TTC23: variants seen among roughly 807,000 people sequenced by gnomAD.
The protein encoded by TTC23 is tetratricopeptide repeat domain 23, also known as tetratricopeptide repeat protein 23.
In TTC23, 58 loss-of-function variants were observed where a neutral mutation model predicts 55.1. The observed-to-expected ratio is 1.05, with a 90% CI of 0.85 to 1.31. TTC23 has a LOEUF of 1.31. Among genes scored for constraint, TTC23 ranks in the 50% most tolerant of loss-of-function variants. TTC23 has a pLI of 0.00. For synonymous variants in TTC23, 203 were observed against 199.9 expected, an observed-to-expected ratio of 1.02 and a Z score of -0.13; for missense variants, 516 against 534.4, an observed-to-expected ratio of 0.97 and a Z score of 0.34.
At chr15:99,179,597 G>A (rs1240101797) in intron 9 of TTC23, among the ~76,000 whole-genome samples, 2 of 152,108 alleles carry the variant, frequency 1.3e-5, no homozygotes, top group Non-Finnish European at 2.9e-5. Context: ...CTGAGTGAAC[G>A]AAGCAACTTG....
intron 6 of TTC23, among the ~76,000 whole-genome samples, chr15:99,219,661 C>A (rs999918653): frequency 5.9e-5 from 9 of 152,020 alleles, no homozygotes; most frequent in Non-Finnish European, 1.0e-4. Context: ...AGAAAGAATT[C>A]CCCAGTGTGT....
chr15:99,183,046 G>A (rs576486160), intron 9 of TTC23, among the ~76,000 whole-genome samples: 1 of 152,336 alleles, frequency 6.6e-6, no homozygotes, highest in South Asian at 2.1e-4. Flanking sequence ...GGAAAAGTTT[G>A]GAGAACTCAG....
At chr15:99,183,301 T>C (rs2074326050) in intron 9 of TTC23, among the ~76,000 whole-genome samples, 1 of 151,684 alleles carries the variant, frequency 6.6e-6, no homozygotes, top group South Asian at 2.1e-4. Context: ...TTAGGGCATC[T>C]GGTGGAAGAA....
At chr15:99,145,862 A>G (rs1350046609) in intron 12 of TTC23, among the ~76,000 whole-genome samples, 1 of 152,136 alleles carries the variant, frequency 6.6e-6, no homozygotes, top group African/African-American at 2.4e-5. Flanking sequence ...TTGCAGGGAA[A>G]TGGGAGATGA....
chr15:99,240,277 T>C (rs2079660884), intron 3 of TTC23, among the ~76,000 whole-genome samples: 1 of 152,248 alleles, frequency 6.6e-6, no homozygotes, highest in South Asian at 2.1e-4. Flanking sequence ...TTAACTTTTC[T>C]TTTTTGGCTT....
intron 9 of TTC23, among the ~76,000 whole-genome samples, chr15:99,188,837 C>A (rs1305575397): frequency 1.3e-5 from 2 of 152,084 alleles, no homozygotes; most frequent in African/African-American, 2.4e-5. Context: ...TGTGGGGAAA[C>A]TGGCACTATC....
At chr15:99,188,196 G>A (rs1214810994) in intron 9 of TTC23, among the ~76,000 whole-genome samples, 2 of 151,930 alleles carry the variant, frequency 1.3e-5, no homozygotes, top group African/African-American at 2.4e-5. Flanking sequence ...TGCTAAACAT[G>A]GATGAATCTT....
At chr15:99,241,759 C>T (rs142838044) in intron 2 of TTC23, among the ~76,000 whole-genome samples, 200 bp from the exon 3 acceptor site, 5 of 152,106 alleles carry the variant, frequency 3.3e-5, no homozygotes, top group African/African-American at 7.2e-5. Flanking sequence ...AGGTGTGAAC[C>T]GTTGGAGGCT....
At chr15:99,158,833 G>T (rs1270270777) in intron 11 of TTC23, 1 of 152,394 alleles carries the variant, frequency 6.6e-6, no homozygotes, top group East Asian at 1.9e-4. Context: ...GGCCCTTGTT[G>T]GCCAACACCT....
chr15:99,245,132 T>C (rs1339271308), intron 2 of TTC23, among the ~76,000 whole-genome samples: 1 of 152,226 alleles, frequency 6.6e-6, no homozygotes. Flanking sequence ...ACCTCAAATG[T>C]ATATAATTTT....
At chr15:99,166,108 T>C (rs2072042982) in intron 10 of TTC23, among the ~76,000 whole-genome samples, 1 of 152,198 alleles carries the variant, frequency 6.6e-6, no homozygotes, top group African/African-American at 2.4e-5. Flanking sequence ...ACTCCGGGCT[T>C]TGGCTGAAGC....
At chr15:99,227,916 C>T (rs768471231) in intron 5 of TTC23, among the ~76,000 whole-genome samples, 11 of 152,202 alleles carry the variant, frequency 7.2e-5, no homozygotes, top group South Asian at 2.1e-4. Context: ...TCCACCCCTT[C>T]GTGTTTTGCA....
At chr15:99,230,560 A>G (rs1432158081) in intron 4 of TTC23, among the ~76,000 whole-genome samples, 3 of 152,298 alleles carry the variant, frequency 2.0e-5, no homozygotes, top group South Asian at 4.1e-4. Flanking sequence ...AAGTCAAAAC[A>G]TCATAAACAA....
chr15:99,250,983 G>A (rs1214627131), upstream of TTC23, among the ~76,000 whole-genome samples: 2 of 152,078 alleles, frequency 1.3e-5, no homozygotes, highest in East Asian at 1.9e-4. Context: ...TGCTGTCAAG[G>A]GTTCAACGAG....
In TTC23 at chr15:99,138,138, G is replaced by C. The variant is rs1555488141; in HGVS notation, c.1227-11C>G. The C allele has an allele frequency of 6.2e-7, 1 of 1,611,904 alleles. No homozygotes were observed. Among genetic ancestry groups the C allele is most frequent in the African/African-American group, 1.3e-5 (1 of 74,982 alleles). On this transcript the variant is annotated splice_polypyrimidine_tract_variant and intron_variant, in intron 13 of 13. Coordinates refer to ENST00000394132, the MANE Select transcript of TTC23 (RefSeq NM_001288615.3). ...GCAACCTTGGGGGCCCTGCAGACAA[G>C]CAGAGGGTGGGGTGAGTGTGGTGCC...
chr15:99,139,766 AGTTTT>A (rs1596174353), intron 12 of TTC23: 1 of 1,305,896 alleles, frequency 7.7e-7, no homozygotes, highest in Non-Finnish European at 1.0e-6. Context: ...TTAAAAAAAT[AGTTTT>A]GTTTTTTTTG....
intron 8 of TTC23, among the ~76,000 whole-genome samples, chr15:99,213,544 T>C (rs1256114565): frequency 2.0e-5 from 3 of 152,262 alleles, no homozygotes; most frequent in Non-Finnish European, 4.4e-5. Context: ...GAGCTCTGAA[T>C]TGTGTATTTC....
chr15:99,155,170 TATAAC>T (rs1262963745), intron 12 of TTC23, among the ~76,000 whole-genome samples: 1 of 152,228 alleles, frequency 6.6e-6, no homozygotes, highest in African/African-American at 2.4e-5. Flanking sequence ...AATCAAAAGA[TATAAC>T]AGTAGATAAA....
intron 8 of TTC23, among the ~76,000 whole-genome samples, chr15:99,206,313 G>A (rs570517014): frequency 2.0e-4 from 30 of 152,196 alleles, no homozygotes; most frequent in Admixed American, 7.8e-4. Context: ...TTGAGACAAC[G>A]CGGACCTCAT....
Sources: gnomAD v4.1 joint callset for allele counts (sites outside exome capture counted in the v4.1 genomes callset) on GRCh38, gnomAD v4.1.1 for gene constraint, MANE v1.5 for transcripts, NCBI Gene and HGNC (gene_info 2026-07-23, HGNC 2026-07-21) for gene names.